ARMH3: variants seen among roughly 807,000 people sequenced by gnomAD.
ARMH3 encodes armadillo-like helical domain-containing protein 3.
A neutral mutation model predicts 99.1 loss-of-function variants in ARMH3; 60 were observed. That is an observed-to-expected ratio of 0.61 (90% CI 0.49 to 0.75). The LOEUF (loss-of-function observed/expected upper bound fraction) is 0.75. ARMH3 is among the 30% of genes least tolerant of loss of function. The pLI, the probability that ARMH3 is intolerant of heterozygous loss-of-function variation, is 0.00. For missense variants in ARMH3, 679 were observed against 843.1 expected (o/e 0.81, Z 2.41); for synonymous variants, 285 against 292.8 (o/e 0.97, Z 0.27).
At chr10:101,949,407 T>C (rs2135768125) in intron 22 of ARMH3, among the ~76,000 whole-genome samples, 1 of 150,130 alleles carries the variant, frequency 6.7e-6, no homozygotes, top group East Asian at 1.9e-4. Context: ...AGAGGGAAGC[T>C]AAGTACAGAC....
At chr10:101,916,045 C>T (rs986099148) in intron 23 of ARMH3, among the ~76,000 whole-genome samples, 2 of 152,080 alleles carry the variant, frequency 1.3e-5, no homozygotes, top group Non-Finnish European at 2.9e-5. Context: ...ACCTCGTGAT[C>T]CGCCCGCCCC....
At chr10:102,052,997 C>T (rs1382198870) in intron 1 of ARMH3, among the ~76,000 whole-genome samples, 1 of 152,042 alleles carries the variant, frequency 6.6e-6, no homozygotes, top group African/African-American at 2.4e-5. Flanking sequence ...CATCCACTCT[C>T]TCAAATTAGA....
chr10:101,894,798 AG>A (rs1401427021), intron 23 of ARMH3, among the ~76,000 whole-genome samples: 1 of 148,084 alleles, frequency 6.8e-6, no homozygotes, highest in Admixed American at 6.9e-5. Flanking sequence ...GCTTGAACCC[AG>A]GGGCCAGAGG....
In ARMH3 at chr10:101,952,684, T is replaced by C. The variant is rs537862448; in HGVS notation, c.1705+3913A>G. On this transcript the variant is annotated intron_variant, in intron 22 of 25. Coordinates refer to ENST00000370033, the MANE Select transcript of ARMH3 (RefSeq NM_024541.3). ...TTTAACTGACTGTGAATAACTAAGA[T>C]ACTCTACTTTTGGAGGCGCCCCTCT... The C allele has an allele frequency of 7.9e-5, 12 of 152,340 alleles. No individual in the cohort carries two copies. In the South Asian group the frequency reaches 2.3e-3, roughly 29 times the overall value. The allele number at this position is 152,340 out of a possible 1,614,324, so 9.4% of individuals were successfully genotyped here. A position where few individuals can be genotyped will look rare whatever the true frequency, so the allele number is the denominator to read the frequency against.
At chr10:101,920,738 C>T (rs1843273597) in intron 23 of ARMH3, among the ~76,000 whole-genome samples, 1 of 152,192 alleles carries the variant, frequency 6.6e-6, no homozygotes, top group Admixed American at 6.5e-5. Context: ...AAGGCAGAAG[C>T]AACCCAAGGG....
At chr10:101,884,790 AAAC>A (rs1333410315) in intron 24 of ARMH3, among the ~76,000 whole-genome samples, 7 of 101,642 alleles carry the variant, frequency 6.9e-5, no homozygotes, top group African/African-American at 1.6e-4. Context: ...CAAAACAAAC[AAAC>A]AAAAAAAAAC....
chr10:101,878,835 A>T (rs902693426), intron 24 of ARMH3, among the ~76,000 whole-genome samples: 1 of 142,764 alleles, frequency 7.0e-6, no homozygotes, highest in African/African-American at 2.6e-5. Context: ...TCTAAAAATT[A>T]AAAAAAAAAA....
chr10:101,954,811 C>A (rs1049428395), intron 22 of ARMH3, among the ~76,000 whole-genome samples: 1 of 152,056 alleles, frequency 6.6e-6, no homozygotes, highest in Non-Finnish European at 1.5e-5. Context: ...CCTATTTGTG[C>A]CCTCCTAGTT....
At chr10:101,877,381 G>A (rs1012027094) in intron 24 of ARMH3, among the ~76,000 whole-genome samples, 2 of 152,178 alleles carry the variant, frequency 1.3e-5, no homozygotes, top group Non-Finnish European at 2.9e-5. Flanking sequence ...ATTTTTTTAG[G>A]CTGGGTGCAG....
intron 23 of ARMH3, among the ~76,000 whole-genome samples, chr10:101,905,555 A>G (rs2068082366): frequency 6.6e-6 from 1 of 152,246 alleles, no homozygotes; most frequent in Admixed American, 6.5e-5. Flanking sequence ...TTGGTAGGTG[A>G]AAAGTGAAGA....
intron 24 of ARMH3, among the ~76,000 whole-genome samples, chr10:101,853,800 T>C (rs1335594138): frequency 2.6e-5 from 4 of 152,134 alleles, no homozygotes; most frequent in African/African-American, 4.8e-5. Flanking sequence ...CACTTGGGTC[T>C]TGGCAAGAGC....
chr10:101,864,693 T>A (rs2066957296), intron 24 of ARMH3, among the ~76,000 whole-genome samples: 1 of 152,042 alleles, frequency 6.6e-6, no homozygotes, highest in South Asian at 2.1e-4. Context: ...AATTGAACAA[T>A]GAGAACACTT....
chr10:101,937,748 T>C (rs1844053105), intron 23 of ARMH3, among the ~76,000 whole-genome samples: 1 of 152,046 alleles, frequency 6.6e-6, no homozygotes, highest in Admixed American at 6.5e-5. Context: ...TGAGAATAGA[T>C]GTCAGAAAAA....
chr10:101,909,790 T>C (rs560018957), intron 23 of ARMH3, among the ~76,000 whole-genome samples: 13 of 152,152 alleles, frequency 8.5e-5, no homozygotes, highest in Non-Finnish European at 1.5e-4. Flanking sequence ...TTATTAAACA[T>C]TGCATGCCTG....
intron 2 of ARMH3, among the ~76,000 whole-genome samples, chr10:102,034,889 C>T (rs1433082708): frequency 6.6e-6 from 1 of 151,562 alleles, no homozygotes; most frequent in Non-Finnish European, 1.5e-5. Flanking sequence ...CCCTGGGCAA[C>T]AAGAGCAAAA....
intron 23 of ARMH3, among the ~76,000 whole-genome samples, chr10:101,939,171 T>C (rs760824570): frequency 3.9e-5 from 6 of 152,192 alleles, no homozygotes; most frequent in Non-Finnish European, 5.9e-5. Context: ...AATTTTTCAA[T>C]TGTTTATAAG....
intron 13 of ARMH3, among the ~76,000 whole-genome samples, chr10:102,008,563 T>A (rs1012703790): frequency 1.3e-5 from 2 of 151,604 alleles, no homozygotes; most frequent in Non-Finnish European, 1.5e-5. Flanking sequence ...TTTATTTTAT[T>A]TTTTTTTGAG....
chr10:101,947,660 T>C (rs1373346752), intron 22 of ARMH3, among the ~76,000 whole-genome samples: 3 of 151,618 alleles, frequency 2.0e-5, no homozygotes, highest in African/African-American at 7.3e-5. Flanking sequence ...ATTAGCCGGG[T>C]GTGGTGGCGC....
intron 19 of ARMH3, among the ~76,000 whole-genome samples, chr10:101,980,172 T>C (rs2135947425): frequency 6.6e-6 from 1 of 152,342 alleles, no homozygotes; most frequent in South Asian, 2.1e-4. Flanking sequence ...CTTGACTGTA[T>C]ACCAACTGAA....
Sources: allele counts gnomAD v4.1 joint callset (sites outside exome capture counted in the v4.1 genomes callset), GRCh38; gene constraint gnomAD v4.1.1; transcripts MANE v1.5; gene names NCBI Gene and HGNC (gene_info 2026-07-23, HGNC 2026-07-21).